SNTG1: variants seen among roughly 807,000 people sequenced by gnomAD.
The protein encoded by SNTG1 is syntrophin gamma 1.
Under a neutral mutation model 74.7 loss-of-function variants are expected in SNTG1, and 39 were observed. That is an observed-to-expected ratio of 0.52 (90% CI 0.40 to 0.68). SNTG1 has a LOEUF of 0.68. Ranked by LOEUF, SNTG1 falls within the 30% of genes least tolerant of loss-of-function variation. The pLI, the probability that SNTG1 is intolerant of heterozygous loss-of-function variation, is 0.00. For missense variants in SNTG1, 685 were observed against 609.5 expected (o/e 1.12, Z -1.30); for synonymous variants, 254 against 217.1 (o/e 1.17, Z -1.49).
intron 2 of SNTG1, among the ~76,000 whole-genome samples, chr8:50,193,959 G>A (rs535390602): frequency 6.6e-6 from 1 of 152,122 alleles, no homozygotes; most frequent in East Asian, 1.9e-4. Flanking sequence ...TTCTGTTTTT[G>A]TGGCGTACCA....
chr8:50,628,538 C>A (rs192243368), intron 13 of SNTG1, among the ~76,000 whole-genome samples: 114 of 151,522 alleles, frequency 7.5e-4, no homozygotes, highest in Non-Finnish European at 1.3e-3. Context: ...TCTTTTACTT[C>A]CATTTTTTTT....
chr8:50,733,791 T>C (rs933964790), intron 17 of SNTG1, among the ~76,000 whole-genome samples: 3 of 151,816 alleles, frequency 2.0e-5, no homozygotes, highest in African/African-American at 2.4e-5. Flanking sequence ...CTTTTCTTTA[T>C]CAGGTGCTTA....
At chr8:50,494,616 G>A (rs1201611563) in intron 8 of SNTG1, among the ~76,000 whole-genome samples, 1 of 151,918 alleles carries the variant, frequency 6.6e-6, no homozygotes, top group African/African-American at 2.4e-5. Context: ...AAAGAAAAAA[G>A]AAAATGTTGC....
At chr8:50,174,625 AC>A (rs2082927637) in intron 2 of SNTG1, among the ~76,000 whole-genome samples, 1 of 152,224 alleles carries the variant, frequency 6.6e-6, no homozygotes, top group Non-Finnish European at 1.5e-5. Flanking sequence ...TCATTGCTAG[AC>A]CTTTTTTCAT....
At chr8:50,167,386 A>C (rs2082658308) in intron 1 of SNTG1, among the ~76,000 whole-genome samples, 1 of 151,512 alleles carries the variant, frequency 6.6e-6, no homozygotes, top group African/African-American at 2.4e-5. Flanking sequence ...TTCTAAACCA[A>C]CTTTTCCTAT....
chr8:50,462,265 A>G (rs971268794), intron 8 of SNTG1, among the ~76,000 whole-genome samples: 2 of 150,860 alleles, frequency 1.3e-5, no homozygotes, highest in African/African-American at 4.8e-5. Context: ...AAAATATACT[A>G]TAGTCTATTA....
intron 1 of SNTG1, among the ~76,000 whole-genome samples, chr8:49,967,705 A>G (rs918181128): frequency 5.3e-5 from 8 of 152,178 alleles, no homozygotes; most frequent in African/African-American, 1.9e-4. Context: ...TTTCATTTGT[A>G]GTGAGAATTG....
chr8:50,244,421 A>T (rs1395103204), intron 2 of SNTG1, among the ~76,000 whole-genome samples: 1 of 152,116 alleles, frequency 6.6e-6, no homozygotes, highest in Non-Finnish European at 1.5e-5. Flanking sequence ...AGGCCTACAA[A>T]ATCCAACCTT....
intron 1 of SNTG1, among the ~76,000 whole-genome samples, chr8:50,067,271 A>C (rs954389521): frequency 6.6e-6 from 1 of 152,076 alleles, no homozygotes; most frequent in African/African-American, 2.4e-5. Flanking sequence ...TTACCAGTTT[A>C]TTTCAAAATC....
chr8:50,256,264 C>T lies in SNTG1; in HGVS notation c.-28+83629C>T, dbSNP rs142844449. ...CCCACAGGGCCCATAAAAGTGTATA[C>T]CACATAGCAGGTACTATATATTGTT... On this transcript the variant is annotated intron_variant, in intron 2 of 18. Transcript: ENST00000642720. Among the ~76,000 whole-genome samples, 1,144 of 151,752 alleles carry T rather than the reference C, an allele frequency of 7.5e-3. 7 individuals carry two copies. Among genetic ancestry groups the T allele is most frequent in the Middle Eastern group, 0.048 (14 of 292 alleles).
chr8:50,139,222 C>T (rs760658894), intron 1 of SNTG1, among the ~76,000 whole-genome samples: 9 of 152,138 alleles, frequency 5.9e-5, no homozygotes, highest in Admixed American at 3.3e-4. Flanking sequence ...ATGTTATCAA[C>T]ATTTTAAAAA....
intron 17 of SNTG1, among the ~76,000 whole-genome samples, chr8:50,721,454 C>G (rs868816928): frequency 6.6e-6 from 1 of 152,140 alleles, no homozygotes; most frequent in South Asian, 2.1e-4. Flanking sequence ...CTTAAAATAG[C>G]AGCATTATTA....
At chr8:50,486,131 G>A (rs1172405615) in intron 8 of SNTG1, among the ~76,000 whole-genome samples, 4 of 152,168 alleles carry the variant, frequency 2.6e-5, no homozygotes, top group Non-Finnish European at 1.5e-5. Context: ...TGGCGATGCA[G>A]GCTCTTTTTT....
intron 15 of SNTG1, among the ~76,000 whole-genome samples, chr8:50,692,896 C>T (rs990463617): frequency 5.9e-5 from 9 of 152,230 alleles, no homozygotes; most frequent in Non-Finnish European, 8.8e-5. Flanking sequence ...TGGTAGGCTC[C>T]ACCCAGTTCC....
intron 1 of SNTG1, among the ~76,000 whole-genome samples, chr8:50,169,662 G>A (rs2082739004): frequency 6.6e-6 from 1 of 152,136 alleles, no homozygotes; most frequent in African/African-American, 2.4e-5. Context: ...ACCATTTTTA[G>A]ATTTTTATTT....
At chr8:50,423,011 G>C (rs1188614040) in intron 4 of SNTG1, among the ~76,000 whole-genome samples, 5 of 152,070 alleles carry the variant, frequency 3.3e-5, no homozygotes, top group Admixed American at 1.3e-4. Flanking sequence ...GGTTTGGGGG[G>C]GTTAGCTCAG....
At chr8:50,027,741 C>A (rs1474423020) in intron 1 of SNTG1, among the ~76,000 whole-genome samples, 1 of 152,140 alleles carries the variant, frequency 6.6e-6, no homozygotes, top group Non-Finnish European at 1.5e-5. Context: ...AACTTTGTAC[C>A]AACACCCAAG....
chr8:50,731,076 A>C (rs2095511800), intron 17 of SNTG1, among the ~76,000 whole-genome samples: 1 of 152,174 alleles, frequency 6.6e-6, no homozygotes, highest in African/African-American at 2.4e-5. Flanking sequence ...GTAGAATATA[A>C]AATTCAGATT....
At chr8:50,531,029 T>C (rs942124017) in intron 10 of SNTG1, among the ~76,000 whole-genome samples, 24 of 152,192 alleles carry the variant, frequency 1.6e-4, no homozygotes, top group African/African-American at 5.5e-4. Context: ...TCATGGTACA[T>C]ACGTCATATA....
Sources: allele counts gnomAD v4.1 joint callset (sites outside exome capture counted in the v4.1 genomes callset), GRCh38; gene constraint gnomAD v4.1.1; transcripts MANE v1.5; gene names NCBI Gene and HGNC (gene_info 2026-07-23, HGNC 2026-07-21).